ACTR3C: variants seen among roughly 807,000 people sequenced by gnomAD.
ACTR3C encodes actin-related protein 3C.
ACTR3C carries 18 observed loss-of-function variants against 26.3 expected under a neutral mutation model. The ratio of observed to expected loss-of-function variants is 0.68; its 90% confidence interval spans 0.47 to 1.01. ACTR3C has a LOEUF of 1.01. Among genes scored for constraint, ACTR3C ranks in the 50% least tolerant of loss-of-function variants. The pLI, the probability that ACTR3C is intolerant of heterozygous loss-of-function variation, is 0.00. For missense variants in ACTR3C, 184 were observed against 250.7 expected, an observed-to-expected ratio of 0.73 and a Z score of 1.80; for synonymous variants, 55 against 94.5, an observed-to-expected ratio of 0.58 and a Z score of 2.42.
At chr7:150,072,776 C>G in the ACTR3C span, among the ~76,000 whole-genome samples, 1 of 152,124 alleles carries the variant, frequency 6.6e-6, no homozygotes, top group Non-Finnish European at 1.5e-5. Flanking sequence ...TGGGCTCATG[C>G]TGTCAGTATG....
the ACTR3C span, among the ~76,000 whole-genome samples, chr7:149,932,869 C>T: frequency 6.6e-6 from 1 of 151,136 alleles, no homozygotes; most frequent in Non-Finnish European, 1.5e-5. Context: ...GAGGCCAGAC[C>T]TTGGGTGCCT....
chr7:150,226,269 A>G, the ACTR3C span, among the ~76,000 whole-genome samples: 1 of 151,994 alleles, frequency 6.6e-6, no homozygotes, highest in African/African-American at 2.4e-5. Flanking sequence ...TTAGGAAACC[A>G]TTAAACTGCC....
At chr7:150,072,562 A>C in the ACTR3C span, among the ~76,000 whole-genome samples, 1 of 144,140 alleles carries the variant, frequency 6.9e-6, no homozygotes, top group East Asian at 2.3e-4. Context: ...GGGACCCAGG[A>C]CGCCTGGGCA....
the ACTR3C span, among the ~76,000 whole-genome samples, chr7:150,189,060 C>G: frequency 6.6e-6 from 1 of 151,300 alleles, no homozygotes; most frequent in African/African-American, 2.5e-5. Flanking sequence ...TTTATTCTAG[C>G]CTTCCCTCTT....
the ACTR3C span, among the ~76,000 whole-genome samples, chr7:150,058,109 T>G: frequency 6.6e-6 from 1 of 152,198 alleles, no homozygotes; most frequent in Non-Finnish European, 1.5e-5. Flanking sequence ...CTAACTTCTC[T>G]TGGCATGACG....
At chr7:150,259,799 T>C (rs73728106) in intron 6 of ACTR3C, among the ~76,000 whole-genome samples, 3,553 of 152,248 alleles carry the variant, frequency 0.023, 128 homozygotes, top group African/African-American at 0.081. Context: ...TTCTCAAAGG[T>C]GCCCCACCTG....
At chr7:149,973,703 G>T in the ACTR3C span, among the ~76,000 whole-genome samples, 1 of 151,496 alleles carries the variant, frequency 6.6e-6, no homozygotes, top group Non-Finnish European at 1.5e-5. Flanking sequence ...TCTTTATTAC[G>T]GTTTGTTTCC....
chr7:150,138,609 T>G, the ACTR3C span, among the ~76,000 whole-genome samples: 15 of 152,386 alleles, frequency 9.8e-5, no homozygotes, highest in African/African-American at 3.6e-4. Context: ...AAGACAGCCT[T>G]TCCCAGCAAA....
the ACTR3C span, among the ~76,000 whole-genome samples, chr7:150,093,551 C>T: frequency 2.0e-5 from 3 of 150,928 alleles, no homozygotes; most frequent in Non-Finnish European, 4.4e-5. Flanking sequence ...GGGCACCACT[C>T]ACAGTCCTCC....
chr7:150,264,027 C>T lies in ACTR3C; in HGVS notation c.565-14973G>A, dbSNP rs148758509. Among the ~76,000 whole-genome samples, 405 of 152,286 alleles carry T rather than the reference C, an allele frequency of 2.7e-3. 1 individual carries two copies. The highest frequency in any genetic ancestry group is 8.0e-3 in the African/African-American group (331 of 41,556). On this transcript the variant is annotated intron_variant, in intron 6 of 7. Transcript: ENST00000683684. ...GGCCGATGGCAGATCATCCCTCAGGCGTCCCTGTACTCCACTTTTCCTGAG... is the reference window on the plus strand; with the variant it reads ...GGCCGATGGCAGATCATCCCTCAGGTGTCCCTGTACTCCACTTTTCCTGAG...
chr7:149,962,662 T>G, the ACTR3C span, among the ~76,000 whole-genome samples: 1 of 152,160 alleles, frequency 6.6e-6, no homozygotes, highest in Admixed American at 6.5e-5. Flanking sequence ...GAATGAGCAC[T>G]AGATCATAGT....
chr7:150,117,351 A>T, the ACTR3C span, among the ~76,000 whole-genome samples: 1 of 152,240 alleles, frequency 6.6e-6, no homozygotes, highest in Non-Finnish European at 1.5e-5. Context: ...TCTCGCTGCC[A>T]GCACAACCAT....
the ACTR3C span, among the ~76,000 whole-genome samples, chr7:150,098,413 C>T: frequency 3.2e-3 from 491 of 151,680 alleles, 9 homozygotes; most frequent in African/African-American, 0.012. Context: ...GGTAAGAGGC[C>T]TAAAAAAGCA....
At chr7:150,189,667 G>A in the ACTR3C span, among the ~76,000 whole-genome samples, 1 of 119,056 alleles carries the variant, frequency 8.4e-6, no homozygotes, top group East Asian at 2.2e-4. Flanking sequence ...AGTCCCTTGA[G>A]TTTTGGCTTC....
intron 1 of ACTR3C, among the ~76,000 whole-genome samples, chr7:150,322,279 A>G (rs1017695302): frequency 3.3e-5 from 5 of 152,238 alleles, no homozygotes; most frequent in Non-Finnish European, 7.3e-5. Context: ...GGCTGCATTC[A>G]TAGGAGGTTA....
chr7:149,886,188 TC>T, the ACTR3C span, among the ~76,000 whole-genome samples: 1 of 152,232 alleles, frequency 6.6e-6, no homozygotes, highest in East Asian at 1.9e-4. Flanking sequence ...CCTTTTCTGT[TC>T]CTGTCATGGT....
the ACTR3C span, among the ~76,000 whole-genome samples, chr7:149,927,416 G>A: frequency 3.5e-5 from 4 of 114,092 alleles, no homozygotes; most frequent in Non-Finnish European, 7.3e-5. Context: ...CTCACAATAT[G>A]TGGAATGACT....
the ACTR3C span, among the ~76,000 whole-genome samples, chr7:150,043,062 C>G: frequency 5.3e-5 from 8 of 150,860 alleles, no homozygotes; most frequent in Admixed American, 1.3e-4. Flanking sequence ...CCCACAGCTC[C>G]TAAGAATTCT....
chr7:150,070,487 G>A, the ACTR3C span, among the ~76,000 whole-genome samples: 8 of 152,200 alleles, frequency 5.3e-5, no homozygotes, highest in South Asian at 6.2e-4. Flanking sequence ...GTCTTGCTCT[G>A]TCACTCAGGC....
Sources: allele counts gnomAD v4.1 joint callset (sites outside exome capture counted in the v4.1 genomes callset), GRCh38; gene constraint gnomAD v4.1.1; transcripts MANE v1.5; gene names NCBI Gene and HGNC (gene_info 2026-07-23, HGNC 2026-07-21).